The following ERC1 variants were observed in gnomAD, a reference collection of about 807,000 sequenced individuals.
The protein encoded by ERC1 is RAB6 interacting protein 2.
ERC1 carries 56 observed loss-of-function variants against 132.0 expected under a neutral mutation model. That is an observed-to-expected ratio of 0.42 (90% CI 0.34 to 0.53). ERC1 has a LOEUF of 0.53. Among genes scored for constraint, ERC1 ranks in the 20% least tolerant of loss-of-function variants. The pLI is 0.03. For synonymous variants in ERC1, 478 were observed against 476.1 expected (o/e 1.00, Z -0.05); for missense variants, 1,202 against 1,349.9 (o/e 0.89, Z 1.72).
chr12:1,460,958 CTTTTTTTTTTT>C (rs35505633), intron 18 of ERC1, among the ~76,000 whole-genome samples: 1 of 64,912 alleles, frequency 1.5e-5, no homozygotes, highest in African/African-American at 6.1e-5. Context: ...TGAGGAGGCC[CTTTTTTTTTTT>C]TTTTTTTTTT....
At chr12:1,342,335 C>T (rs902686246) in intron 15 of ERC1, among the ~76,000 whole-genome samples, 8 of 151,922 alleles carry the variant, frequency 5.3e-5, no homozygotes, top group African/African-American at 1.9e-4. Flanking sequence ...GGCATGGTGG[C>T]ACACGCCTGT....
At chr12:1,336,692 C>A (rs1445044248) in intron 15 of ERC1, among the ~76,000 whole-genome samples, 2 of 152,074 alleles carry the variant, frequency 1.3e-5, no homozygotes, top group African/African-American at 2.4e-5. Flanking sequence ...AGAGTATGTG[C>A]CATGCGAAGG....
intron 7 of ERC1, among the ~76,000 whole-genome samples, chr12:1,118,641 A>T (rs7298448): frequency 0.27 from 40,815 of 152,148 alleles, 5,879 homozygotes; most frequent in African/African-American, 0.37. Context: ...AGCATTGCTT[A>T]AAAAATTACT....
At chr12:1,315,052 GTTTA>G (rs746330133) in intron 15 of ERC1, among the ~76,000 whole-genome samples, 2 of 152,096 alleles carry the variant, frequency 1.3e-5, no homozygotes, top group Admixed American at 6.5e-5. Flanking sequence ...TTATTTATTT[GTTTA>G]TTTATTTATT....
chr12:1,360,173 T>C (rs1248898055), intron 15 of ERC1, among the ~76,000 whole-genome samples: 1 of 152,222 alleles, frequency 6.6e-6, no homozygotes, highest in African/African-American at 2.4e-5. Flanking sequence ...AAATTTCAGT[T>C]ATGTTGTCTG....
At chr12:1,057,845 C>T (rs1056708366) in intron 2 of ERC1, among the ~76,000 whole-genome samples, 13 of 152,000 alleles carry the variant, frequency 8.6e-5, no homozygotes, top group South Asian at 6.2e-4. Context: ...CCACCTGCCT[C>T]GGCCTCCCAA....
chr12:1,274,222 C>T (rs772080060), intron 14 of ERC1, among the ~76,000 whole-genome samples: 12 of 152,138 alleles, frequency 7.9e-5, no homozygotes, highest in African/African-American at 1.9e-4. Flanking sequence ...CCATTCATTT[C>T]GCTGTTCATT....
intron 15 of ERC1, among the ~76,000 whole-genome samples, chr12:1,305,204 T>C (rs2080789271): frequency 6.6e-6 from 1 of 152,214 alleles, no homozygotes; most frequent in African/African-American, 2.4e-5. Context: ...TCTGGGGACT[T>C]AGTACACTCA....
chr12:1,018,425 G>C (rs1436939658), intron 1 of ERC1, among the ~76,000 whole-genome samples: 1 of 152,174 alleles, frequency 6.6e-6, no homozygotes, highest in Non-Finnish European at 1.5e-5. Flanking sequence ...ATGTTGGCCA[G>C]GCTGGTCTCG....
At chr12:1,371,061 A>T (rs568131963) in intron 15 of ERC1, among the ~76,000 whole-genome samples, 1 of 152,338 alleles carries the variant, frequency 6.6e-6, no homozygotes, top group Admixed American at 6.5e-5. Flanking sequence ...ACAACACGGG[A>T]TCTACCCTCT....
intron 16 of ERC1, among the ~76,000 whole-genome samples, chr12:1,387,903 A>G (rs2089546612): frequency 1.3e-5 from 2 of 152,242 alleles, no homozygotes; most frequent in Non-Finnish European, 1.5e-5. Context: ...TTGCCCCTGA[A>G]GGTATTAGGG....
intron 6 of ERC1, among the ~76,000 whole-genome samples, chr12:1,114,335 C>T (rs776023399): frequency 2.6e-5 from 4 of 152,114 alleles, no homozygotes; most frequent in African/African-American, 4.8e-5. Flanking sequence ...CCCTGCTTTT[C>T]ATTTAAAATA....
intron 1 of ERC1, among the ~76,000 whole-genome samples, chr12:1,006,596 G>A (rs1045371106): frequency 1.3e-5 from 2 of 151,642 alleles, no homozygotes; most frequent in African/African-American, 2.4e-5. Context: ...GGGTTTTGCC[G>A]TGTTGCCCAA....
At position 1,111,819 on chromosome 12, in the gene ERC1, C is replaced by G. The variant is rs1278709996; in HGVS notation, c.1318-396C>G. ...GACGGGTTTCACTATGATGGCCAGGCAGGTCTCGAACTCCTGACCTCAAGT... is the reference window on the plus strand; with the variant it reads ...GACGGGTTTCACTATGATGGCCAGGGAGGTCTCGAACTCCTGACCTCAAGT... On this transcript the variant is annotated intron_variant, in intron 5 of 18. Transcript: ENST00000360905. 9.2e-5 allele frequency among the ~76,000 whole-genome samples: 14 copies of G among 152,068 alleles called. No homozygotes were observed. In the East Asian group the frequency reaches 2.1e-3, roughly 23 times the overall value.
chr12:1,435,809 G>A (rs1270775764), intron 17 of ERC1, among the ~76,000 whole-genome samples: 1 of 152,150 alleles, frequency 6.6e-6, no homozygotes, highest in African/African-American at 2.4e-5. Context: ...TATGTGACTT[G>A]CCTTTCTCCA....
intron 12 of ERC1, among the ~76,000 whole-genome samples, chr12:1,213,737 C>CAAA (rs574859764): frequency 2.0e-5 from 2 of 100,750 alleles, no homozygotes; most frequent in African/African-American, 3.8e-5. Context: ...GACTCCATCT[C>CAAA]AAAAAAAAAA....
intron 15 of ERC1, among the ~76,000 whole-genome samples, chr12:1,318,600 C>T (rs756222111): frequency 4.6e-5 from 7 of 152,164 alleles, no homozygotes; most frequent in Non-Finnish European, 8.8e-5. Flanking sequence ...ATCATTAATC[C>T]TCTTCTGACT....
chr12:1,291,061 T>A (rs1365822163), intron 15 of ERC1, among the ~76,000 whole-genome samples: 1 of 152,202 alleles, frequency 6.6e-6, no homozygotes, highest in Non-Finnish European at 1.5e-5. Flanking sequence ...CAGTAAACTT[T>A]GAATACCTGA....
intron 15 of ERC1, among the ~76,000 whole-genome samples, chr12:1,359,709 A>G (rs1178454554): frequency 6.6e-6 from 1 of 152,126 alleles, no homozygotes; most frequent in Non-Finnish European, 1.5e-5. Context: ...TTTCAACATG[A>G]GTTTGGGAGG....
Sources: gnomAD v4.1 joint callset for allele counts (sites outside exome capture counted in the v4.1 genomes callset) on GRCh38, gnomAD v4.1.1 for gene constraint, MANE v1.5 for transcripts, NCBI Gene and HGNC (gene_info 2026-07-23, HGNC 2026-07-21) for gene names.